Variants in PRICKLE2 observed in about 807,000 individuals in gnomAD.
PRICKLE2 encodes prickle planar cell polarity protein 2.
In PRICKLE2, 21 loss-of-function variants were observed where a neutral mutation model predicts 81.4. That is an observed-to-expected ratio of 0.26 (90% CI 0.18 to 0.37). PRICKLE2 has a LOEUF of 0.37. PRICKLE2 is among the 10% of genes least tolerant of loss of function. The pLI is 1.00. For synonymous variants in PRICKLE2, 456 were observed against 421.5 expected (o/e 1.08, Z -1.00); for missense variants, 940 against 1,109.0 (o/e 0.85, Z 2.16).
intron 7 of PRICKLE2, among the ~76,000 whole-genome samples, chr3:64,130,253 C>G (rs1294801227): frequency 8.0e-6 from 1 of 124,320 alleles, no homozygotes; most frequent in Non-Finnish European, 1.7e-5. Flanking sequence ...TCTGTTGATG[C>G]TAATTATGGC....
intron 3 of PRICKLE2, 29 bp from the exon 4 acceptor site, chr3:64,160,106 A>T: frequency 6.2e-7 from 1 of 1,611,686 alleles, no homozygotes; most frequent in Non-Finnish European, 8.5e-7. Flanking sequence ...TGGCATGGAA[A>T]AAGTCACCCT....
intron 7 of PRICKLE2, among the ~76,000 whole-genome samples, chr3:64,130,993 C>G (rs903920997): frequency 5.3e-5 from 8 of 152,160 alleles, no homozygotes; most frequent in Non-Finnish European, 1.2e-4. Flanking sequence ...AGTATTCACT[C>G]TAAACCTGTT....
chr3:64,222,205 G>A (rs1233075595), intron 1 of PRICKLE2, among the ~76,000 whole-genome samples: 2 of 152,120 alleles, frequency 1.3e-5, no homozygotes, highest in Non-Finnish European at 2.9e-5. Context: ...AGTTCAGAGA[G>A]GTCAGGCAAC....
intron 1 of PRICKLE2, among the ~76,000 whole-genome samples, chr3:64,205,297 C>T (rs9881734): frequency 0.14 from 20,921 of 152,104 alleles, 1,471 homozygotes; most frequent in East Asian, 0.22. Context: ...AGCATTAAAT[C>T]ATGGCTTCCG....
chr3:64,257,043 T>C (rs551120813), intron 2 of PRICKLE2, among the ~76,000 whole-genome samples: 1 of 152,230 alleles, frequency 6.6e-6, no homozygotes, highest in Non-Finnish European at 1.5e-5. Context: ...TGCCAATTAA[T>C]GGAACCCTGG....
chr3:64,182,436 A>T (rs2078151864), intron 2 of PRICKLE2, among the ~76,000 whole-genome samples: 1 of 151,872 alleles, frequency 6.6e-6, no homozygotes, highest in Non-Finnish European at 1.5e-5. Flanking sequence ...TTGAAGCTGC[A>T]GTGACCTATA....
chr3:64,160,673 A>G (rs1410453511), intron 3 of PRICKLE2, among the ~76,000 whole-genome samples: 3 of 152,234 alleles, frequency 2.0e-5, no homozygotes. Flanking sequence ...GAGAGGAACA[A>G]GCTGCCTGCT....
At chr3:64,250,459 G>C (rs896514188) in intron 2 of PRICKLE2, among the ~76,000 whole-genome samples, 1 of 152,172 alleles carries the variant, frequency 6.6e-6, no homozygotes, top group African/African-American at 2.4e-5. Context: ...GGTTTACCTA[G>C]CATGGGGGTG....
chr3:64,175,409 C>T (rs1278022947), intron 2 of PRICKLE2, among the ~76,000 whole-genome samples: 2 of 152,148 alleles, frequency 1.3e-5, no homozygotes, highest in Admixed American at 1.3e-4. Context: ...ACTAGTTCAC[C>T]TACTTCTTAG....
intron 7 of PRICKLE2, chr3:64,100,453 C>T (rs536569013): frequency 1.5e-4 from 23 of 158,508 alleles, no homozygotes; most frequent in Middle Eastern, 3.4e-3. Flanking sequence ...GCCTGCTGTC[C>T]CTAAGTGGCA....
chr3:64,148,026 T>C (rs898078682), intron 6 of PRICKLE2, among the ~76,000 whole-genome samples: 1 of 152,202 alleles, frequency 6.6e-6, no homozygotes, highest in Non-Finnish European at 1.5e-5. Context: ...ATGTACTGCT[T>C]TAAGAGCTTT....
At chr3:64,248,094 A>G (rs1041605850) in intron 2 of PRICKLE2, among the ~76,000 whole-genome samples, 2 of 152,220 alleles carry the variant, frequency 1.3e-5, no homozygotes, top group African/African-American at 4.8e-5. Flanking sequence ...TAAGTTGAAC[A>G]CATTTCAGTT....
chr3:64,112,215 C>A (rs2076859002), intron 7 of PRICKLE2, among the ~76,000 whole-genome samples: 1 of 152,198 alleles, frequency 6.6e-6, no homozygotes, highest in African/African-American at 2.4e-5. Context: ...ACCTGCCTGT[C>A]CACACCCCTC....
At chr3:64,171,359 T>C (rs1007720631) in intron 2 of PRICKLE2, among the ~76,000 whole-genome samples, 1 of 152,212 alleles carries the variant, frequency 6.6e-6, no homozygotes, top group Non-Finnish European at 1.5e-5. Flanking sequence ...TTGGCACATA[T>C]AGTGGGTAGA....
intron 1 of PRICKLE2, among the ~76,000 whole-genome samples, 188 bp downstream of exon 1, chr3:64,224,722 T>C (rs2079007207): frequency 6.6e-6 from 1 of 152,176 alleles, no homozygotes; most frequent in African/African-American, 2.4e-5. Flanking sequence ...TAACACTTTG[T>C]AATCGAGCTT....
At chr3:64,256,923 C>T (rs2079532435) in intron 2 of PRICKLE2, among the ~76,000 whole-genome samples, 1 of 152,136 alleles carries the variant, frequency 6.6e-6, no homozygotes, top group South Asian at 2.1e-4. Context: ...TCTTTTTTGG[C>T]ACTGAGTCTA....
In PRICKLE2 at chr3:64,095,835, T is replaced by C. The variant is rs1167355524; in HGVS notation, c.*3216A>G. On this transcript the variant is annotated 3_prime_UTR_variant, in exon 8 of 8. Coordinates refer to ENST00000638394, the MANE Select transcript of PRICKLE2 (RefSeq NM_198859.4). ...AACAACCCACACCAGGACTTCTTCC[T>C]TGGATGTATGAAAAACCAGGAAGCA... 6.6e-6 allele frequency: 1 copy of C among 152,206 alleles called. No homozygotes were observed. Among genetic ancestry groups the C allele is most frequent in the South Asian group, 2.1e-4 (1 of 4,830 alleles). The allele number at this position is 152,206 out of a possible 1,614,324, so 9.4% of individuals were successfully genotyped here. A position where few individuals can be genotyped will look rare whatever the true frequency, so the allele number is the denominator to read the frequency against.
Position 64,201,260 on chromosome 3 carries a change from G to C in PRICKLE2, c.-40-2293C>G, listed in dbSNP as rs548114690. Among the ~76,000 whole-genome samples, 17 of 152,254 alleles carry C rather than the reference G, an allele frequency of 1.1e-4. No homozygotes were observed. The South Asian group carries it at 3.5e-3, about 32-fold the overall frequency. Reference sequence around the variant, plus strand: ...TTTAATTCTTTTGGGTATATTCCTAGAAATGAAATTGCTAGGTCATGTGGC... The same window carrying C: ...TTTAATTCTTTTGGGTATATTCCTACAAATGAAATTGCTAGGTCATGTGGC... On this transcript the variant is annotated intron_variant, in intron 1 of 7. Transcript: ENST00000638394.
At chr3:64,113,743 A>C (rs1031419435) in intron 7 of PRICKLE2, among the ~76,000 whole-genome samples, 3 of 150,962 alleles carry the variant, frequency 2.0e-5, no homozygotes, top group Admixed American at 1.3e-4. Context: ...TTATACTAAT[A>C]CTGCACAGAG....
Sources: allele counts gnomAD v4.1 joint callset (sites outside exome capture counted in the v4.1 genomes callset), GRCh38; gene constraint gnomAD v4.1.1; transcripts MANE v1.5; gene names NCBI Gene and HGNC (gene_info 2026-07-23, HGNC 2026-07-21).